ZNF2: variants seen among roughly 807,000 people sequenced by gnomAD.
ZNF2 encodes the protein zinc finger protein 2.
ZNF2 carries 12 observed loss-of-function variants against 21.9 expected under a neutral mutation model. The observed-to-expected ratio is 0.55, with a 90% confidence interval of 0.35 to 0.89. The LOEUF (loss-of-function observed/expected upper bound fraction) is 0.89, where lower values mean the gene tolerates loss of function less well. Among genes scored for constraint, ZNF2 ranks in the 40% least tolerant of loss-of-function variants. The pLI, the probability that ZNF2 is intolerant of heterozygous loss-of-function variation, is 0.01. For missense variants in ZNF2, 462 were observed against 544.2 expected (o/e 0.85, Z 1.50); for synonymous variants, 186 against 196.3 (o/e 0.95, Z 0.44).
chr2:95,166,199 G>T (rs1362976314), intron 1 of ZNF2, among the ~76,000 whole-genome samples: 2 of 151,520 alleles, frequency 1.3e-5, no homozygotes, highest in Non-Finnish European at 2.9e-5. Context: ...GGATGCTGCC[G>T]CTCCGTCTTT....
At chr2:95,176,386 T>C in intron 2 of ZNF2, 127 bp downstream of exon 2, 1 of 1,119,282 alleles carries the variant, frequency 8.9e-7, no homozygotes, top group African/African-American at 1.6e-5. Context: ...ACAGGGAGTA[T>C]TTCTTTCCTA....
At chr2:95,167,359 A>C (rs1674102590) in intron 1 of ZNF2, among the ~76,000 whole-genome samples, 1 of 151,784 alleles carries the variant, frequency 6.6e-6, no homozygotes, top group Admixed American at 6.6e-5. Flanking sequence ...ACAAAAAATT[A>C]GCCGGGCGTG....
rs1674776867 is a variant in ZNF2 at position 95,183,924 on chromosome 2, T to A, written c.*1818T>A. ...CGTAAGTCACCGTGCCCGGCCTATA[T>A]TTTTATTTTATTAAAGGTTAGGCAC... On this transcript the variant is annotated 3_prime_UTR_variant, in exon 5 of 5. Transcript: ENST00000614034. 6.6e-6 allele frequency: 1 copy of A among 152,102 alleles called. No homozygotes were observed. 9.4% of individuals were successfully genotyped at this position (152,102 alleles called of 1,614,324 possible).
At chr2:95,166,773 C>A (rs1674059687) in intron 1 of ZNF2, among the ~76,000 whole-genome samples, 1 of 152,026 alleles carries the variant, frequency 6.6e-6, no homozygotes, top group African/African-American at 2.4e-5. Flanking sequence ...CCTGGGAGAA[C>A]AATAAAACAT....
chr2:95,176,745 C>T (rs1421683742), intron 2 of ZNF2, among the ~76,000 whole-genome samples: 1 of 152,206 alleles, frequency 6.6e-6, no homozygotes, highest in Non-Finnish European at 1.5e-5. Flanking sequence ...TGCCCGAGGG[C>T]AGAGTCTTAA....
At chr2:95,168,152 C>T (rs1046906423) in intron 1 of ZNF2, among the ~76,000 whole-genome samples, 37 of 151,128 alleles carry the variant, frequency 2.4e-4, no homozygotes, top group Admixed American at 3.3e-4. Context: ...GGGGTCTGGG[C>T]GCTGTGGCTC....
At position 95,183,951 on chromosome 2, in the gene ZNF2, A is replaced by G. The variant is rs543948075; in HGVS notation, c.*1845A>G. 2 of 152,108 alleles carry G rather than the reference A, an allele frequency of 1.3e-5. No individual in the cohort carries two copies. Among genetic ancestry groups the G allele is most frequent in the Admixed American group, 1.3e-4 (2 of 15,256 alleles). The allele number at this position is 152,108 out of a possible 1,614,324, so 9.4% of individuals were successfully genotyped here. ...TTTATTTTATTAAAGGTTAGGCACT[A>G]GATGACCTTGACTCTAGGCATCTGC... On this transcript the variant is annotated 3_prime_UTR_variant, in exon 5 of 5. Coordinates refer to ENST00000614034, the MANE Select transcript of ZNF2 (RefSeq NM_021088.4).
At chr2:95,174,438 C>T (rs960826504) in intron 1 of ZNF2, among the ~76,000 whole-genome samples, 3 of 152,200 alleles carry the variant, frequency 2.0e-5, no homozygotes, top group African/African-American at 7.2e-5. Context: ...ACCTCTTTTC[C>T]CTCATCTTCC....
At chr2:95,174,318 T>A (rs771637302) in intron 1 of ZNF2, among the ~76,000 whole-genome samples, 1 of 152,188 alleles carries the variant, frequency 6.6e-6, no homozygotes, top group Non-Finnish European at 1.5e-5. Flanking sequence ...CACAGTGATT[T>A]TTTAAAGCAC....
At chr2:95,180,109 T>A (rs769624053) in intron 3 of ZNF2, 50 bp from the exon 4 acceptor site, 2 of 1,307,266 alleles carry the variant, frequency 1.5e-6, no homozygotes, top group Non-Finnish European at 1.1e-6. Context: ...GAGAGTGATA[T>A]TATTTTCATC....
intron 1 of ZNF2, among the ~76,000 whole-genome samples, chr2:95,167,980 T>C (rs1674141366): frequency 3.9e-5 from 6 of 151,998 alleles, no homozygotes; most frequent in Admixed American, 3.9e-4. Flanking sequence ...TCCAAAAAGT[T>C]TGATCATGAA....
intron 1 of ZNF2, among the ~76,000 whole-genome samples, chr2:95,169,179 C>T (rs970206347): frequency 2.6e-5 from 4 of 152,122 alleles, no homozygotes; most frequent in East Asian, 1.9e-4. Flanking sequence ...GAGAAGTCTA[C>T]GGATGAGGAG....
At chr2:95,170,697 A>G (rs1674239878) in intron 1 of ZNF2, among the ~76,000 whole-genome samples, 1 of 152,324 alleles carries the variant, frequency 6.6e-6, no homozygotes, top group Admixed American at 6.5e-5. Context: ...TGTTTGATTC[A>G]TAAGTCTAGC....
At chr2:95,166,551 G>A (rs1674049327) in intron 1 of ZNF2, among the ~76,000 whole-genome samples, 4 of 152,108 alleles carry the variant, frequency 2.6e-5, no homozygotes, top group Admixed American at 2.6e-4. Context: ...TTATTCTAGA[G>A]GTCACATTCA....
At chr2:95,178,026 G>A (rs545739501) in intron 3 of ZNF2, among the ~76,000 whole-genome samples, 3 of 152,292 alleles carry the variant, frequency 2.0e-5, no homozygotes, top group East Asian at 1.9e-4. Context: ...AGGAGTGTGC[G>A]CTGGGGTAGG....
At chr2:95,172,638 GTTT>G (rs779777588) in intron 1 of ZNF2, among the ~76,000 whole-genome samples, 1 of 137,216 alleles carries the variant, frequency 7.3e-6, no homozygotes. Context: ...TTTCTTTGTG[GTTT>G]TTTTTTTTTT....
chr2:95,171,256 CTCTGTACCTTA>C (rs1048905951), intron 1 of ZNF2, among the ~76,000 whole-genome samples: 9 of 152,136 alleles, frequency 5.9e-5, no homozygotes, highest in Admixed American at 1.3e-4. Flanking sequence ...TTCAGTCCTT[CTCTGTACCTTA>C]TCTCCATGAA....
Position 95,181,102 on chromosome 2 carries a change from G to A in ZNF2, c.275-1G>A. On this transcript the variant is annotated splice_acceptor_variant, in intron 4 of 4. Transcript: ENST00000614034. LOFTEE classifies it high-confidence loss of function. ...CTGCATCTGTTTTCTGTTTGTTCCA[G>A]ACTGGGAAACTAAGCCTGAGATTCA... 2 of 1,612,068 alleles carry A rather than the reference G, an allele frequency of 1.2e-6. No homozygotes were observed. Among genetic ancestry groups the A allele is most frequent in the Non-Finnish European group, 8.5e-7 (1 of 1,179,178 alleles).
chr2:95,176,076 G>C, intron 1 of ZNF2, 112 bp from the exon 2 acceptor site: 2 of 935,296 alleles, frequency 2.1e-6, no homozygotes, highest in Admixed American at 3.4e-5. Flanking sequence ...CCTTTTGTAA[G>C]GTATTGAGGA....
Sources: gnomAD v4.1 joint callset for allele counts (sites outside exome capture counted in the v4.1 genomes callset) on GRCh38, gnomAD v4.1.1 for gene constraint, MANE v1.5 for transcripts, NCBI Gene and HGNC (gene_info 2026-07-23, HGNC 2026-07-21) for gene names.